FAM149B1: variants seen among roughly 807,000 people sequenced by gnomAD.
FAM149B1 encodes the protein family with sequence similarity 149 member B1.
In FAM149B1, 56 loss-of-function variants were observed where a neutral mutation model predicts 75.3. The ratio of observed to expected loss-of-function variants is 0.74; its 90% CI spans 0.60 to 0.93. The LOEUF is 0.93. Ranked by LOEUF, FAM149B1 falls within the 40% of genes least tolerant of loss-of-function variation. FAM149B1 has a pLI of 0.00. For synonymous variants in FAM149B1, 259 were observed against 256.1 expected (o/e 1.01, Z -0.11); for missense variants, 639 against 708.4 (o/e 0.90, Z 1.11).
chr10:73,210,106 T>G, intron 6 of FAM149B1, 145 bp from the exon 7 acceptor site: 1 of 612,200 alleles, frequency 1.6e-6, no homozygotes, highest in Non-Finnish European at 2.9e-6. Flanking sequence ...TTCTATTTAT[T>G]ACTTCTATTT....
At chr10:73,218,764 A>G (rs886955709) in intron 7 of FAM149B1, among the ~76,000 whole-genome samples, 4 of 152,196 alleles carry the variant, frequency 2.6e-5, no homozygotes, top group African/African-American at 7.2e-5. Flanking sequence ...ACTCTGTCCA[A>G]TGTTAGCATC....
At chr10:73,200,674 G>A (rs1337460151) in intron 5 of FAM149B1, 3 of 519,178 alleles carry the variant, frequency 5.8e-6, no homozygotes, top group Non-Finnish European at 7.2e-6. Flanking sequence ...CTGATGTGTT[G>A]GAAGTGACCA....
At chr10:73,198,571 G>A (rs987626335) in intron 5 of FAM149B1, among the ~76,000 whole-genome samples, 1 of 152,122 alleles carries the variant, frequency 6.6e-6, no homozygotes, top group Admixed American at 6.5e-5. Flanking sequence ...TTGAGAGGCC[G>A]AGGCTGGTGG....
At chr10:73,239,844 T>A (rs552058297) in intron 13 of FAM149B1, among the ~76,000 whole-genome samples, 1 of 152,388 alleles carries the variant, frequency 6.6e-6, no homozygotes, top group East Asian at 1.9e-4. Flanking sequence ...CAGGATATGC[T>A]GAGTCTGATT....
chr10:73,237,172 A>G (rs548675952), intron 12 of FAM149B1, among the ~76,000 whole-genome samples: 1 of 152,292 alleles, frequency 6.6e-6, no homozygotes, highest in Admixed American at 6.5e-5. Flanking sequence ...ACTTGGTCAC[A>G]TTCACAAGTT....
chr10:73,186,725 C>T (rs571408332), intron 3 of FAM149B1, among the ~76,000 whole-genome samples: 2 of 152,362 alleles, frequency 1.3e-5, no homozygotes, highest in East Asian at 3.9e-4. Flanking sequence ...AGTTCCGATA[C>T]ATGTTACAAC....
chr10:73,228,033 G>C, intron 7 of FAM149B1, 27 bp from the exon 8 acceptor site: 1 of 1,550,010 alleles, frequency 6.5e-7, no homozygotes, highest in South Asian at 1.2e-5. Context: ...ATTATCCATG[G>C]ATAATATATC....
Position 73,243,772 on chromosome 10 carries a change from A to G in FAM149B1, c.*2753A>G. On this transcript the variant is annotated 3_prime_UTR_variant, in exon 14 of 14. Coordinates refer to ENST00000242505, the MANE Select transcript of FAM149B1 (RefSeq NM_173348.2). ...GTCTTAAAAGAAGAAAACAAAATAC[A>G]ACATTCCAAAGAAAATATTAGCAGT... 2 of 1,407,126 alleles carry G rather than the reference A, an allele frequency of 1.4e-6. No individual in the cohort carries two copies. The highest frequency in any genetic ancestry group is 1.9e-5 in the Admixed American group (1 of 52,540). The allele number at this position is 1,407,126 out of a possible 1,614,324, so 87.2% of individuals were successfully genotyped here.
chr10:73,183,576 C>T (rs1301495009), intron 3 of FAM149B1: 2 of 152,062 alleles, frequency 1.3e-5, no homozygotes, highest in South Asian at 2.1e-4. Flanking sequence ...GATGCTAAAA[C>T]CTGAGAAAGA....
chr10:73,235,105 C>A (rs1215517728), intron 11 of FAM149B1, 88 bp from the exon 12 acceptor site: 5 of 1,467,896 alleles, frequency 3.4e-6, no homozygotes, highest in Non-Finnish European at 4.6e-6. Flanking sequence ...CCTGCACTTA[C>A]CATATCTGCC....
intron 11 of FAM149B1, 58 bp from the exon 12 acceptor site, chr10:73,235,135 C>A: frequency 6.5e-7 from 1 of 1,531,522 alleles, no homozygotes; most frequent in Non-Finnish European, 8.8e-7. Flanking sequence ...AGGGTTTTAA[C>A]TACATACCAC....
intron 7 of FAM149B1, among the ~76,000 whole-genome samples, chr10:73,216,036 C>T (rs577855432): frequency 6.6e-6 from 1 of 152,268 alleles, no homozygotes; most frequent in South Asian, 2.1e-4. Context: ...GTTGTCTGCT[C>T]TTTCTTTAGG....
At chr10:73,197,602 T>C (rs2042836741) in intron 5 of FAM149B1, among the ~76,000 whole-genome samples, 1 of 151,908 alleles carries the variant, frequency 6.6e-6, no homozygotes, top group African/African-American at 2.4e-5. Context: ...AAACCCCGTC[T>C]CTACTAAAAA....
intron 7 of FAM149B1, among the ~76,000 whole-genome samples, chr10:73,216,270 C>T (rs1308611584): frequency 6.6e-6 from 1 of 151,944 alleles, no homozygotes; most frequent in Non-Finnish European, 1.5e-5. Context: ...CACTTGTTTA[C>T]TTTAGTTTTT....
In FAM149B1 at chr10:73,244,217, C is replaced by A. The variant is rs527789421; in HGVS notation, c.*3198C>A. The stretch of plus-strand genomic sequence containing the variant: ...ATGATGATAAAAAGGAACATGAGGC[C>A]GGGTATGGTGGCTCACAACTGTAAT... On this transcript the variant is annotated 3_prime_UTR_variant, in exon 14 of 14. Coordinates refer to ENST00000242505, the MANE Select transcript of FAM149B1 (RefSeq NM_173348.2). 47 of 355,902 alleles carry A rather than the reference C, an allele frequency of 1.3e-4. No individual in the cohort carries two copies. The highest frequency in any genetic ancestry group is 5.1e-4 in the Admixed American group (11 of 21,672). The allele number at this position is 355,902 out of a possible 1,614,324, so 22.0% of individuals were successfully genotyped here.
rs1406996367 is a variant in FAM149B1 at position 73,244,067 on chromosome 10, A to ATGT, written c.*3049_*3051dup. 8 of 653,786 alleles carry ATGT rather than the reference A, an allele frequency of 1.2e-5. No individual in the cohort carries two copies. Among genetic ancestry groups the ATGT allele is most frequent in the Non-Finnish European group, 2.1e-5 (8 of 380,962 alleles). 40.5% of individuals were successfully genotyped at this position (653,786 alleles called of 1,614,324 possible). Reference sequence around the variant, plus strand: ...ACAAAATGAATCGAATTACATAACTATGTCATTCATTAAATGGCAACAATG... The same window carrying ATGT: ...ACAAAATGAATCGAATTACATAACTATGTTGTCATTCATTAAATGGCAACAATG... On this transcript the variant is annotated 3_prime_UTR_variant, in exon 14 of 14. Coordinates refer to ENST00000242505, the MANE Select transcript of FAM149B1 (RefSeq NM_173348.2).
chr10:73,235,373 G>A (rs1241250501), intron 12 of FAM149B1, 55 bp downstream of exon 12: 6 of 1,546,930 alleles, frequency 3.9e-6, no homozygotes, highest in African/African-American at 2.7e-5. Context: ...GAAAAGGTGG[G>A]GGGAATAATA....
chr10:73,237,612 G>A (rs927615607), intron 12 of FAM149B1, among the ~76,000 whole-genome samples: 24 of 152,172 alleles, frequency 1.6e-4, no homozygotes, highest in African/African-American at 5.5e-4. Flanking sequence ...AGTAAAGACA[G>A]TGTTTCTCCA....
intron 3 of FAM149B1, among the ~76,000 whole-genome samples, chr10:73,181,935 A>G (rs2042408030): frequency 6.6e-6 from 1 of 152,154 alleles, no homozygotes; most frequent in African/African-American, 2.4e-5. Context: ...TGTTGGGTTC[A>G]TATATGTTTA....
Sources: gnomAD v4.1 joint callset for allele counts (sites outside exome capture counted in the v4.1 genomes callset) on GRCh38, gnomAD v4.1.1 for gene constraint, MANE v1.5 for transcripts, NCBI Gene and HGNC (gene_info 2026-07-23, HGNC 2026-07-21) for gene names.